Variants in SYN3 observed in about 807,000 individuals in gnomAD.
SYN3 encodes the protein synapsin III, also known as synapsin-3.
SYN3 carries 35 observed loss-of-function variants against 65.8 expected under a neutral mutation model. The ratio of observed to expected loss-of-function variants is 0.53; its 90% CI spans 0.41 to 0.70. SYN3 has a LOEUF of 0.70. Ranked by LOEUF, SYN3 falls within the 30% of genes least tolerant of loss-of-function variation. The pLI, the probability that SYN3 is intolerant of heterozygous loss-of-function variation, is 0.00. For missense variants in SYN3, 680 were observed against 749.0 expected (o/e 0.91, Z 1.08); for synonymous variants, 270 against 292.9 (o/e 0.92, Z 0.80).
chr22:32,586,799 T>G (rs1028376951), intron 7 of SYN3, among the ~76,000 whole-genome samples: 5 of 152,160 alleles, frequency 3.3e-5, no homozygotes, highest in Non-Finnish European at 7.4e-5. Flanking sequence ...GAGGATGGAC[T>G]GTGTATGTTG....
At chr22:32,613,565 G>A (rs911544491) in intron 6 of SYN3, among the ~76,000 whole-genome samples, 20 of 152,120 alleles carry the variant, frequency 1.3e-4, no homozygotes, top group African/African-American at 4.3e-4. Flanking sequence ...TTTGAGTTCC[G>A]TGAGGGCAAG....
chr22:32,666,310 C>G lies in SYN3; in HGVS notation c.712-69574G>C, dbSNP rs376099808. Among the ~76,000 whole-genome samples, 1,059 of 152,294 alleles carry G rather than the reference C, an allele frequency of 7.0e-3. 14 individuals are homozygous for G. The highest frequency in any genetic ancestry group is 0.024 in the African/African-American group (983 of 41,542). ...TCAAAACCTCTCAATAGTTTCTCAT[C>G]TTACTCTAAAGAATAACCCAAACCA... On this transcript the variant is annotated intron_variant, in intron 6 of 13. Coordinates refer to ENST00000358763, the MANE Select transcript of SYN3 (RefSeq NM_003490.4).
chr22:32,813,458 A>T (rs189999043), intron 6 of SYN3, among the ~76,000 whole-genome samples: 190 of 150,578 alleles, frequency 1.3e-3, no homozygotes, highest in African/African-American at 4.6e-3. Context: ...AGAAATCCAA[A>T]TTTTTAATGT....
At chr22:32,982,494 T>G (rs1021174495) in intron 2 of SYN3, among the ~76,000 whole-genome samples, 1 of 152,220 alleles carries the variant, frequency 6.6e-6, no homozygotes, top group Non-Finnish European at 1.5e-5. Flanking sequence ...TTCATTTACC[T>G]GGTGATTTTT....
chr22:32,681,562 C>T (rs1471724232), intron 6 of SYN3, among the ~76,000 whole-genome samples: 1 of 152,186 alleles, frequency 6.6e-6, no homozygotes, highest in East Asian at 1.9e-4. Context: ...AGTATGTGAC[C>T]AGGGCAAGAC....
At position 32,859,298 on chromosome 22, in the gene SYN3, G is replaced by A. The variant is rs765470296; in HGVS notation, c.711+5617C>T. Reference sequence around the variant, plus strand: ...CAGTCCAAACACTACGCCTGCATCCGGCAGAAGGGCGGCTACTGCAGCTGG... The same window carrying A: ...CAGTCCAAACACTACGCCTGCATCCAGCAGAAGGGCGGCTACTGCAGCTGG... On this transcript the variant is annotated intron_variant, in intron 6 of 13. Transcript: ENST00000358763. 55 of 1,613,956 alleles carry A rather than the reference G, an allele frequency of 3.4e-5. No individual in the cohort carries two copies. Among genetic ancestry groups the A allele is most frequent in the Non-Finnish European group, 4.5e-5 (53 of 1,180,040 alleles).
At chr22:32,897,403 C>A (rs1172967813) in intron 4 of SYN3, among the ~76,000 whole-genome samples, 1 of 152,194 alleles carries the variant, frequency 6.6e-6, no homozygotes, top group Admixed American at 6.5e-5. Context: ...TGGGTCCTTG[C>A]CTTCCTGAAG....
chr22:32,513,026 C>T lies in SYN3; in HGVS notation c.*666G>A, dbSNP rs113839680. ...TGAGTATGAGTGGCATTACAAGGGC[C>T]CCCCTGTTTCTGTCGTGTTCTGAAA... On this transcript the variant is annotated 3_prime_UTR_variant, in exon 14 of 14. Coordinates refer to ENST00000358763, the MANE Select transcript of SYN3 (RefSeq NM_003490.4). 0.035 allele frequency: 5,360 copies of T among 152,052 alleles called. 131 individuals are homozygous for T. The highest frequency in any genetic ancestry group is 0.11 in the South Asian group (539 of 4,786). The allele number at this position is 152,052 out of a possible 1,614,324, so 9.4% of individuals were successfully genotyped here.
chr22:32,710,075 GCACACACA>G (rs55879257), intron 6 of SYN3, among the ~76,000 whole-genome samples: 1 of 131,378 alleles, frequency 7.6e-6, no homozygotes, highest in Non-Finnish European at 1.6e-5. Flanking sequence ...ATATATATAT[GCACACACA>G]CACACACACA....
chr22:32,829,459 C>T (rs1159075600), intron 6 of SYN3, among the ~76,000 whole-genome samples: 1 of 152,172 alleles, frequency 6.6e-6, no homozygotes, highest in African/African-American at 2.4e-5. Context: ...TTCATTTGCA[C>T]CCACATGTAG....
chr22:32,655,224 C>G (rs2060126605), intron 6 of SYN3, among the ~76,000 whole-genome samples: 2 of 152,212 alleles, frequency 1.3e-5, no homozygotes, highest in African/African-American at 2.4e-5. Context: ...GGTGACAGAG[C>G]AAGAAGTACC....
intron 4 of SYN3, among the ~76,000 whole-genome samples, chr22:32,892,005 T>A (rs1046705589): frequency 6.6e-5 from 10 of 150,858 alleles, no homozygotes; most frequent in East Asian, 2.0e-4. Context: ...ATAATAATAA[T>A]AAAAAGCTGG....
intron 6 of SYN3, chr22:32,635,168 G>A (rs2059798368): frequency 6.6e-6 from 1 of 152,162 alleles, no homozygotes. Context: ...TCAGACAAGA[G>A]CGGTGTGTTA....
intron 6 of SYN3, among the ~76,000 whole-genome samples, chr22:32,672,892 TCC>T (rs2060390618): frequency 6.6e-6 from 1 of 152,154 alleles, no homozygotes; most frequent in East Asian, 1.9e-4. Flanking sequence ...GATAGTCGCC[TCC>T]CATTGGGACA....
chr22:32,692,363 C>T (rs1217063227), intron 6 of SYN3, among the ~76,000 whole-genome samples: 1 of 152,148 alleles, frequency 6.6e-6, no homozygotes, highest in Non-Finnish European at 1.5e-5. Flanking sequence ...CCTCTGCATC[C>T]CCATCAGCCT....
At chr22:32,571,730 C>G (rs2058761639) in intron 7 of SYN3, among the ~76,000 whole-genome samples, 1 of 152,160 alleles carries the variant, frequency 6.6e-6, no homozygotes, top group Admixed American at 6.5e-5. Context: ...TGCCAGCCTT[C>G]CTAAGAACAG....
At chr22:32,883,866 C>T (rs949236328) in intron 4 of SYN3, among the ~76,000 whole-genome samples, 3 of 152,184 alleles carry the variant, frequency 2.0e-5, no homozygotes, top group African/African-American at 7.2e-5. Context: ...ATCCAACAGC[C>T]GGCCTCAGAG....
rs2057821364 is a variant in SYN3, at chr22:32,518,599, ATAT to A, written c.1319-268_1319-266del. 38 of 596,928 alleles carry A rather than the reference ATAT, an allele frequency of 6.4e-5. 3 individuals carry two copies. The highest frequency in any genetic ancestry group is 5.9e-4 in the South Asian group (36 of 61,514). 37.0% of individuals were successfully genotyped at this position (596,928 alleles called of 1,614,324 possible). ...GGATACTGTTGATAACATATGCTAA[ATAT>A]TATACTGCTGAACAAAATAGCTTAG... On this transcript the variant is annotated intron_variant, in intron 12 of 13. Coordinates refer to ENST00000358763, the MANE Select transcript of SYN3 (RefSeq NM_003490.4).
intron 1 of SYN3, among the ~76,000 whole-genome samples, chr22:33,020,175 AGAG>A (rs2053536920): frequency 6.6e-6 from 1 of 152,200 alleles, no homozygotes; most frequent in South Asian, 2.1e-4. Context: ...TAATTCCTCC[AGAG>A]GAGAAGTATT....
Sources: allele counts gnomAD v4.1 joint callset (sites outside exome capture counted in the v4.1 genomes callset), GRCh38; gene constraint gnomAD v4.1.1; transcripts MANE v1.5; gene names NCBI Gene and HGNC (gene_info 2026-07-23, HGNC 2026-07-21).